Variants in GRID2 observed in about 807,000 individuals in gnomAD.
GRID2 encodes the protein glutamate ionotropic receptor delta type subunit 2, also known as glutamate receptor ionotropic, delta-2.
In GRID2, 33 loss-of-function variants were observed where a neutral mutation model predicts 114.8. That is an observed-to-expected ratio of 0.29 (90% CI 0.22 to 0.38). The LOEUF is 0.38. GRID2 is among the 10% of genes least tolerant of loss of function. The pLI is 1.00. For missense variants in GRID2, 1,184 were observed against 1,257.7 expected (o/e 0.94, Z 0.89); for synonymous variants, 505 against 449.9 (o/e 1.12, Z -1.55).
At chr4:93,474,638 G>A (rs531036836) in intron 11 of GRID2, among the ~76,000 whole-genome samples, 1 of 152,162 alleles carries the variant, frequency 6.6e-6, no homozygotes, top group African/African-American at 2.4e-5. Context: ...AGAACCCTTG[G>A]TGGAAGAAAT....
intron 2 of GRID2, among the ~76,000 whole-genome samples, chr4:92,775,119 AC>A (rs1021016133): frequency 3.9e-5 from 6 of 152,082 alleles, no homozygotes; most frequent in African/African-American, 1.4e-4. Context: ...ATTTTAGTAA[AC>A]CCTGAGTTAT....
chr4:93,543,228 TCAGA>T, intron 13 of GRID2, among the ~76,000 whole-genome samples: 1 of 152,272 alleles, frequency 6.6e-6, no homozygotes, highest in Middle Eastern at 3.4e-3. Context: ...TTTTCAACTC[TCAGA>T]CAGTTTGAAG....
chr4:92,678,621 T>A (rs947017534), intron 2 of GRID2, among the ~76,000 whole-genome samples: 2 of 151,760 alleles, frequency 1.3e-5, no homozygotes, highest in African/African-American at 4.8e-5. Flanking sequence ...GGTGTTACTT[T>A]TTTTAAAATA....
intron 8 of GRID2, among the ~76,000 whole-genome samples, chr4:93,289,599 A>C (rs1753526693): frequency 6.6e-6 from 1 of 152,240 alleles, no homozygotes; most frequent in African/African-American, 2.4e-5. Flanking sequence ...CTTTGTTTCT[A>C]TAATGAAAAC....
At chr4:92,855,784 ATT>A (rs1744132881) in intron 2 of GRID2, among the ~76,000 whole-genome samples, 1 of 151,970 alleles carries the variant, frequency 6.6e-6, no homozygotes, top group Non-Finnish European at 1.5e-5. Context: ...CTGGAGGTGA[ATT>A]TCCTGACTAG....
intron 8 of GRID2, among the ~76,000 whole-genome samples, chr4:93,264,757 G>GATATATATATATATATATAT (rs10567648): frequency 7.3e-6 from 1 of 136,878 alleles, no homozygotes. Flanking sequence ...TCATTTGAAT[G>GATATATATATATATATATAT]ATATATATAT....
intron 14 of GRID2, among the ~76,000 whole-genome samples, chr4:93,697,401 A>G (rs1471231194): frequency 1.3e-5 from 2 of 152,138 alleles, no homozygotes; most frequent in African/African-American, 2.4e-5. Context: ...TTAAGAACTC[A>G]GGTTATAATC....
At position 93,178,755 on chromosome 4, in the gene GRID2, C is replaced by T. The variant is rs138236870; in HGVS notation, c.736-28649C>T. ...CGATGTGTGTGAATGTGTGTGTGCG[C>T]TGAGATCATTTTAAGAAATGGAGTT... On this transcript the variant is annotated intron_variant, in intron 4 of 15. Coordinates refer to ENST00000282020, the MANE Select transcript of GRID2 (RefSeq NM_001510.4). Among the ~76,000 whole-genome samples the T allele has an allele frequency of 4.3e-3, 636 of 148,500 alleles. 8 individuals carry two copies. Among genetic ancestry groups the T allele is most frequent in the African/African-American group, 0.015 (613 of 39,720 alleles).
rs868210741 is a variant in GRID2 at position 92,442,073 on chromosome 4, A to G, written c.88+137329A>G. 2.3e-3 allele frequency among the ~76,000 whole-genome samples: 340 copies of G among 150,566 alleles called. 1 individual carries two copies. Among genetic ancestry groups the G allele is most frequent in the East Asian group, 7.0e-3 (36 of 5,120 alleles). On this transcript the variant is annotated intron_variant, in intron 1 of 15. Transcript: ENST00000282020. The stretch of plus-strand genomic sequence containing the variant: ...CAATACCCACAACAGTTATGGAGGC[A>G]AGGGAAACAGGCCCTTGAAAAGAAG...
intron 14 of GRID2, among the ~76,000 whole-genome samples, chr4:93,668,309 A>G (rs1341437703): frequency 6.6e-6 from 1 of 152,032 alleles, no homozygotes; most frequent in Non-Finnish European, 1.5e-5. Context: ...TGAAATGTAT[A>G]TAACCGTTTT....
Position 93,409,673 on chromosome 4 carries a change from T to C in GRID2, c.1348-13098T>C, listed in dbSNP as rs186741491. On this transcript the variant is annotated intron_variant, in intron 9 of 15. Coordinates refer to ENST00000282020, the MANE Select transcript of GRID2 (RefSeq NM_001510.4). ...AGTACCCCAAGTTCTTTATCAACCA[T>C]GTAGTTTCTGCAACCTGCAGTATAC... is the stretch of plus-strand genomic sequence containing the variant. Among the ~76,000 whole-genome samples the C allele has an allele frequency of 3.7e-4, 56 of 152,286 alleles. No individual in the cohort carries two copies. In the East Asian group the frequency reaches 0.01, roughly 28 times the overall value.
chr4:93,043,391 A>T (rs980705760), intron 2 of GRID2, among the ~76,000 whole-genome samples: 14 of 152,172 alleles, frequency 9.2e-5, no homozygotes, highest in Middle Eastern at 3.2e-3. Context: ...CAGACACATA[A>T]ATGGTGCAAT....
intron 1 of GRID2, among the ~76,000 whole-genome samples, chr4:92,567,324 T>G (rs1727384738): frequency 6.6e-6 from 1 of 152,040 alleles, no homozygotes; most frequent in Non-Finnish European, 1.5e-5. Context: ...TACATATAAA[T>G]GATTTAACTA....
intron 2 of GRID2, among the ~76,000 whole-genome samples, chr4:92,963,424 T>C (rs1752948480): frequency 6.6e-6 from 1 of 151,970 alleles, no homozygotes; most frequent in Admixed American, 6.6e-5. Flanking sequence ...TTCAACAAGG[T>C]CCATAGCATC....
chr4:92,320,992 C>A (rs887551646), intron 1 of GRID2, among the ~76,000 whole-genome samples: 1 of 151,978 alleles, frequency 6.6e-6, no homozygotes, highest in Non-Finnish European at 1.5e-5. Flanking sequence ...ATTTTTATTT[C>A]TTGTTCATAA....
At chr4:93,485,868 ACATT>A (rs1193932107) in intron 11 of GRID2, among the ~76,000 whole-genome samples, 1 of 151,746 alleles carries the variant, frequency 6.6e-6, no homozygotes, top group Non-Finnish European at 1.5e-5. Flanking sequence ...AGCTTCAAGC[ACATT>A]TACTTGTGCA....
In GRID2 at chr4:93,183,156, A is replaced by G. The variant is rs745753871; in HGVS notation, c.736-24248A>G. Among the ~76,000 whole-genome samples the G allele has an allele frequency of 2.0e-5, 3 of 152,218 alleles. No homozygotes were observed. The South Asian group carries it at 6.2e-4, about 32-fold the overall frequency. On this transcript the variant is annotated intron_variant, in intron 4 of 15. Coordinates refer to ENST00000282020, the MANE Select transcript of GRID2 (RefSeq NM_001510.4). ...ATTTAGTTGCCTGAGGCAGAACTAC[A>G]TAAACACATAATATCTCAATTTTCA...
chr4:92,911,091 C>A (rs1748343142), intron 2 of GRID2, among the ~76,000 whole-genome samples: 2 of 151,974 alleles, frequency 1.3e-5, no homozygotes, highest in South Asian at 4.1e-4. Flanking sequence ...TCCACTGTAT[C>A]TGTTTATTTC....
At chr4:92,508,843 C>T (rs545633207) in intron 1 of GRID2, among the ~76,000 whole-genome samples, 3 of 151,886 alleles carry the variant, frequency 2.0e-5, no homozygotes, top group Admixed American at 1.3e-4. Context: ...AGTTAGGAGG[C>T]TAATAAAATC....
Sources: allele counts gnomAD v4.1 joint callset (sites outside exome capture counted in the v4.1 genomes callset), GRCh38; gene constraint gnomAD v4.1.1; transcripts MANE v1.5; gene names NCBI Gene and HGNC (gene_info 2026-07-23, HGNC 2026-07-21).